Variants in MTMR8 observed in about 807,000 individuals in gnomAD.
MTMR8 encodes the protein myotubularin related protein 8, also known as phosphatidylinositol-3,5-bisphosphate 3-phosphatase MTMR8.
A neutral mutation model predicts 39.3 loss-of-function variants in MTMR8; 65 were observed. That is an observed-to-expected ratio of 1.65 (90% CI 1.35 to 2.03). The LOEUF is 2.03. MTMR8 is among the 30% of genes most tolerant of loss of function. MTMR8 has a pLI of 0.00. For missense variants in MTMR8, 777 were observed against 538.9 expected, an observed-to-expected ratio of 1.44 and a Z score of -4.37; for synonymous variants, 245 against 185.2, an observed-to-expected ratio of 1.32 and a Z score of -2.62.
intron 12 of MTMR8, among the ~76,000 whole-genome samples, chrX:64,286,015 C>CA (rs1194068520): frequency 1.8e-5 from 2 of 111,069 alleles, no homozygotes; most frequent in Admixed American, 1.9e-4. Context: ...AAAAACTCTT[C>CA]AAAAAATCAA....
intron 12 of MTMR8, among the ~76,000 whole-genome samples, chrX:64,315,201 G>T (rs1164060955): frequency 8.9e-6 from 1 of 111,936 alleles, no homozygotes; most frequent in Admixed American, 9.4e-5. Context: ...TGGTCTGGGG[G>T]TCTTCTCCTG....
At chrX:64,373,000 C>T (rs1199883081) in intron 1 of MTMR8, among the ~76,000 whole-genome samples, 1 of 111,638 alleles carries the variant, frequency 9.0e-6, no homozygotes, top group Non-Finnish European at 1.9e-5. Context: ...GAAGTATGTC[C>T]AAGCCAAAAG....
chrX:64,269,850 AT>A (rs1931719683), intron 13 of MTMR8, among the ~76,000 whole-genome samples: 1 of 111,835 alleles, frequency 8.9e-6, no homozygotes, highest in African/African-American at 3.3e-5. Context: ...TCTGCTCTGT[AT>A]TAAAAAAAGA....
chrX:64,360,818 TAGTA>T (rs1472504536), intron 1 of MTMR8, among the ~76,000 whole-genome samples: 2 of 111,638 alleles, frequency 1.8e-5, no homozygotes, highest in Non-Finnish European at 3.8e-5. Context: ...AAATGTATAG[TAGTA>T]AGTAAGTTTA....
At chrX:64,312,549 CA>C (rs1322581161) in intron 12 of MTMR8, among the ~76,000 whole-genome samples, 3 of 112,286 alleles carry the variant, frequency 2.7e-5, no homozygotes, top group Non-Finnish European at 5.6e-5. Flanking sequence ...TCCCTGTTTG[CA>C]CATGACATGA....
intron 12 of MTMR8, among the ~76,000 whole-genome samples, chrX:64,276,947 A>G (rs1323351086): frequency 8.9e-6 from 1 of 111,887 alleles, no homozygotes; most frequent in Admixed American, 9.5e-5. Context: ...TATTGGGTGC[A>G]TATATATTTA....
At position 64,344,332 on chromosome X, in the gene MTMR8, C is replaced by A. The variant is rs111599268; in HGVS notation, c.866-612G>T. On this transcript the variant is annotated intron_variant, in intron 7 of 13. Coordinates refer to ENST00000374852, the MANE Select transcript of MTMR8 (RefSeq NM_017677.4). ...GGGATGCAGACTGAGCAGATGAGATCTGGCAAGGGTGATGTAAAGGAGAGG... is the reference window on the plus strand; with the variant it reads ...GGGATGCAGACTGAGCAGATGAGATATGGCAAGGGTGATGTAAAGGAGAGG... 3.7e-3 allele frequency among the ~76,000 whole-genome samples: 416 copies of A among 111,500 alleles called. 2 individuals are homozygous for A. Among genetic ancestry groups the A allele is most frequent in the African/African-American group, 0.013 (389 of 30,698 alleles).
intron 12 of MTMR8, among the ~76,000 whole-genome samples, chrX:64,313,754 T>A (rs1482037642): frequency 8.9e-6 from 1 of 112,620 alleles, no homozygotes; most frequent in Non-Finnish European, 1.9e-5. Context: ...GCAATTATCT[T>A]CATTTCTTTC....
chrX:64,395,251 T>A, intron 1 of MTMR8, 89 bp downstream of exon 1: 4 of 991,294 alleles, frequency 4.0e-6, no homozygotes, highest in Middle Eastern at 5.2e-4. Flanking sequence ...CAAAGAAGGC[T>A]GAGAAGGCTG....
At chrX:64,390,772 C>CA (rs1373670162) in intron 1 of MTMR8, among the ~76,000 whole-genome samples, 2 of 110,773 alleles carry the variant, frequency 1.8e-5, no homozygotes, top group Non-Finnish European at 3.8e-5. Flanking sequence ...ACCGCCCCCC[C>CA]AGCCTCTCGA....
chrX:64,318,747 G>A (rs756419156), intron 12 of MTMR8, among the ~76,000 whole-genome samples: 972 of 94,028 alleles, frequency 0.01, 5 homozygotes, highest in Non-Finnish European at 0.017. Context: ...TCCCTCTGTC[G>A]CCCAGGCTGG....
At chrX:64,375,556 T>A (rs1331056403) in intron 1 of MTMR8, among the ~76,000 whole-genome samples, 1 of 111,008 alleles carries the variant, frequency 9.0e-6, no homozygotes. Flanking sequence ...GCCAATGCAA[T>A]AGTATTAACA....
chrX:64,275,914 A>C (rs1216741056), intron 12 of MTMR8, among the ~76,000 whole-genome samples: 1 of 111,610 alleles, frequency 9.0e-6, no homozygotes, highest in Non-Finnish European at 1.9e-5. Context: ...CTAAATCACA[A>C]AGAAAAACTG....
At chrX:64,358,341 G>C (rs768119107) in intron 2 of MTMR8, among the ~76,000 whole-genome samples, 23 of 110,964 alleles carry the variant, frequency 2.1e-4, no homozygotes, top group Non-Finnish European at 4.2e-4. Context: ...TCTCACATGG[G>C]GAAAGTTCAG....
At chrX:64,365,284 G>A (rs187218576) in intron 1 of MTMR8, among the ~76,000 whole-genome samples, 1 of 110,285 alleles carries the variant, frequency 9.1e-6, no homozygotes, top group East Asian at 2.9e-4. Flanking sequence ...TCCTCGAGAA[G>A]AACACCACCA....
intron 12 of MTMR8, among the ~76,000 whole-genome samples, chrX:64,293,495 A>C (rs1921469869): frequency 9.0e-6 from 1 of 111,295 alleles, no homozygotes; most frequent in Admixed American, 9.6e-5. Context: ...AGCAAGTATT[A>C]ACATTTACTA....
intron 12 of MTMR8, among the ~76,000 whole-genome samples, chrX:64,310,321 G>A (rs944995837): frequency 2.7e-5 from 3 of 111,082 alleles, no homozygotes; most frequent in Non-Finnish European, 5.7e-5. Flanking sequence ...CAGCAATTCA[G>A]TCACATCTTC....
In MTMR8 at chrX:64,356,334, G is replaced by A. The variant is rs1923624587; in HGVS notation, c.152C>T (p.Ala51Val). ...CTCCACAGTGGCAATGTGATGGAGT[G>A]CAATCTGAAAAACATAAAAGAACCA... ...SGAARKETWI[A>V]LHHIATVEKL... The change falls in exon 3 of 14, where the codon GCA becomes GTA. Residue 51 changes from alanine to valine, a missense_variant. Coordinates refer to ENST00000374852, the MANE Select transcript of MTMR8 (RefSeq NM_017677.4). 1.3e-5 allele frequency: 16 copies of A among 1,200,298 alleles called. No homozygotes were observed. The highest frequency in any genetic ancestry group is 1.7e-5 in the Non-Finnish European group (15 of 891,152).
intron 12 of MTMR8, among the ~76,000 whole-genome samples, chrX:64,320,814 A>G (rs1367717358): frequency 6.3e-5 from 7 of 111,831 alleles, no homozygotes; most frequent in Non-Finnish European, 1.1e-4. Context: ...AGCTCTACAG[A>G]AGCAGGACAT....
Sources: gnomAD v4.1 joint callset for allele counts (sites outside exome capture counted in the v4.1 genomes callset) on GRCh38, gnomAD v4.1.1 for gene constraint, MANE v1.5 for transcripts, NCBI Gene and HGNC (gene_info 2026-07-23, HGNC 2026-07-21) for gene names.